SEC14L1: variants seen among roughly 807,000 people sequenced by gnomAD.
SEC14L1 encodes the protein SEC14 like lipid binding 1.
Under a neutral mutation model 85.3 loss-of-function variants are expected in SEC14L1, and 48 were observed. That is an observed-to-expected ratio of 0.56 (90% CI 0.45 to 0.72). SEC14L1 has a LOEUF of 0.72. Ranked by LOEUF, SEC14L1 falls within the 30% of genes least tolerant of loss-of-function variation. The pLI is 0.00. For synonymous variants in SEC14L1, 391 were observed against 355.5 expected (o/e 1.10, Z -1.12); for missense variants, 682 against 921.4 (o/e 0.74, Z 3.36).
chr17:77,168,424 C>T (rs999455197), intron 3 of SEC14L1, among the ~76,000 whole-genome samples: 1 of 152,110 alleles, frequency 6.6e-6, no homozygotes, highest in Non-Finnish European at 1.5e-5. Context: ...TTCTATAAGT[C>T]CTTGCATTAA....
upstream of SEC14L1, among the ~76,000 whole-genome samples, chr17:77,140,583 C>A (rs1196361185): frequency 6.6e-6 from 1 of 152,246 alleles, no homozygotes. Flanking sequence ...CTTCCCTTTT[C>A]CCGCTCAGCC....
At chr17:77,105,175 A>C (rs1173508100) in intron 3 of SEC14L1, among the ~76,000 whole-genome samples, 1 of 152,052 alleles carries the variant, frequency 6.6e-6, no homozygotes, top group Admixed American at 6.6e-5. Context: ...GGTTGGCCCT[A>C]AGCAGTTTCC....
chr17:77,163,180 A>C (rs1009691059), intron 3 of SEC14L1, among the ~76,000 whole-genome samples: 1 of 152,170 alleles, frequency 6.6e-6, no homozygotes, highest in African/African-American at 2.4e-5. Context: ...CAGCGAGTAT[A>C]GAGTCTGTGA....
upstream of SEC14L1, among the ~76,000 whole-genome samples, chr17:77,138,895 T>C (rs1250344120): frequency 6.6e-6 from 1 of 152,202 alleles, no homozygotes; most frequent in Non-Finnish European, 1.5e-5. Flanking sequence ...TCAAAATGTT[T>C]AACTGAAGTA....
At chr17:77,163,518 G>A (rs1181960894) in intron 3 of SEC14L1, among the ~76,000 whole-genome samples, 1 of 151,782 alleles carries the variant, frequency 6.6e-6, no homozygotes, top group Admixed American at 6.6e-5. Context: ...TTATACTTTA[G>A]CTATGAAGGC....
intron 3 of SEC14L1, among the ~76,000 whole-genome samples, chr17:77,164,715 C>T (rs1974211608): frequency 6.6e-6 from 1 of 151,686 alleles, no homozygotes; most frequent in Admixed American, 6.6e-5. Flanking sequence ...TGGGTGGGTG[C>T]GGGTGAGGGT....
At chr17:77,186,026 T>C (rs1475451431) in intron 3 of SEC14L1, among the ~76,000 whole-genome samples, 1 of 152,176 alleles carries the variant, frequency 6.6e-6, no homozygotes, top group African/African-American at 2.4e-5. Context: ...AGTAAGAACA[T>C]TTAAGAAGCA....
intron 3 of SEC14L1, among the ~76,000 whole-genome samples, chr17:77,125,114 C>T (rs1377146218): frequency 6.6e-6 from 1 of 151,794 alleles, no homozygotes; most frequent in East Asian, 1.9e-4. Flanking sequence ...AAGCGATTCT[C>T]CTGCCTCAGC....
At chr17:77,167,988 TCCCTGTGTCCTTC>T (rs1189328942) in intron 3 of SEC14L1, among the ~76,000 whole-genome samples, 2 of 152,258 alleles carry the variant, frequency 1.3e-5, no homozygotes, top group East Asian at 3.8e-4. Flanking sequence ...GCAGTTCCTG[TCCCTGTGTCCTTC>T]CCCTGTTGGC....
At chr17:77,111,448 A>G (rs1408240345) in intron 3 of SEC14L1, among the ~76,000 whole-genome samples, 1 of 149,484 alleles carries the variant, frequency 6.7e-6, no homozygotes, top group Non-Finnish European at 1.5e-5. Context: ...GTTGGAGTGC[A>G]GTGGGGCAAA....
chr17:77,215,018 T>G lies in SEC14L1; in HGVS notation c.*995T>G, dbSNP rs186912917. 3 of 985,560 alleles carry G rather than the reference T, an allele frequency of 3.0e-6. No homozygotes were observed. In the East Asian group the frequency reaches 3.4e-4, roughly 112 times the overall value. The allele number at this position is 985,560 out of a possible 1,614,324, so 61.1% of individuals were successfully genotyped here. A position where few individuals can be genotyped will look rare whatever the true frequency, so the allele number is the denominator to read the frequency against. The stretch of plus-strand genomic sequence containing the variant: ...ATCCACTTCAGGGTGGCGTGTGGCA[T>G]GTAGGAGTCCTGCTTCTTTGTACAT... On this transcript the variant is annotated 3_prime_UTR_variant, in exon 17 of 17. Coordinates refer to ENST00000436233, the MANE Select transcript of SEC14L1 (RefSeq NM_001143998.2).
intron 3 of SEC14L1, among the ~76,000 whole-genome samples, chr17:77,134,293 A>G (rs1285297253): frequency 3.3e-5 from 5 of 150,904 alleles, no homozygotes; most frequent in Non-Finnish European, 7.4e-5. Context: ...TCTGGCACCG[A>G]GGCTGTAGTG....
chr17:77,179,417 T>C (rs1269745652), intron 3 of SEC14L1, among the ~76,000 whole-genome samples: 1 of 152,208 alleles, frequency 6.6e-6, no homozygotes, highest in African/African-American at 2.4e-5. Context: ...ACGATACTCA[T>C]CATAATCATA....
intron 3 of SEC14L1, among the ~76,000 whole-genome samples, chr17:77,104,812 G>GTT (rs916088663): frequency 1.4e-5 from 2 of 145,652 alleles, no homozygotes; most frequent in African/African-American, 2.6e-5. Context: ...AAAAAAGAAA[G>GTT]TTTTTTTTTG....
At chr17:77,107,793 G>A (rs939965615) in intron 3 of SEC14L1, among the ~76,000 whole-genome samples, 1 of 152,212 alleles carries the variant, frequency 6.6e-6, no homozygotes, top group Non-Finnish European at 1.5e-5. Context: ...TGGTTTTCAA[G>A]CTTTACTTGG....
At chr17:77,128,060 T>G (rs944676296) in intron 3 of SEC14L1, 1 of 152,268 alleles carries the variant, frequency 6.6e-6, no homozygotes, top group African/African-American at 2.4e-5. Context: ...GAGAATGAGT[T>G]TCTGTTGCCC....
At position 77,214,244 on chromosome 17, in the gene SEC14L1, C is replaced by T. The variant is rs913458907; in HGVS notation, c.*221C>T. 1.9e-5 allele frequency: 26 copies of T among 1,352,226 alleles called. No homozygotes were observed. Among genetic ancestry groups the T allele is most frequent in the Non-Finnish European group, 2.5e-5 (26 of 1,054,624 alleles). The allele number at this position is 1,352,226 out of a possible 1,614,324, so 83.8% of individuals were successfully genotyped here. ...ACTCAATAGCCATAGATTTTGTATACGTTGTGCACAAAATCCAACCAGAGC... is the reference window on the plus strand; with the variant it reads ...ACTCAATAGCCATAGATTTTGTATATGTTGTGCACAAAATCCAACCAGAGC... On this transcript the variant is annotated 3_prime_UTR_variant, in exon 17 of 17. Transcript: ENST00000436233.
At chr17:77,097,525 C>G (rs1234082469) in intron 3 of SEC14L1, among the ~76,000 whole-genome samples, 1 of 151,424 alleles carries the variant, frequency 6.6e-6, no homozygotes, top group East Asian at 2.0e-4. Context: ...GATTGTGCCA[C>G]TGCACTCCAG....
At chr17:77,118,748 C>A (rs943584261) in intron 3 of SEC14L1, among the ~76,000 whole-genome samples, 1 of 152,200 alleles carries the variant, frequency 6.6e-6, no homozygotes, top group Non-Finnish European at 1.5e-5. Flanking sequence ...TGCATGCAGG[C>A]GGTGCACCTA....
Sources: allele counts gnomAD v4.1 joint callset (sites outside exome capture counted in the v4.1 genomes callset), GRCh38; gene constraint gnomAD v4.1.1; transcripts MANE v1.5; gene names NCBI Gene and HGNC (gene_info 2026-07-23, HGNC 2026-07-21).